Variants in CNTNAP5 observed in about 807,000 individuals in gnomAD.
CNTNAP5 encodes the protein contactin-associated protein-like 5.
Under a neutral mutation model 150.2 loss-of-function variants are expected in CNTNAP5, and 72 were observed. The observed-to-expected ratio is 0.48, with a 90% CI of 0.40 to 0.58. CNTNAP5 has a LOEUF of 0.58. Among genes scored for constraint, CNTNAP5 ranks in the 20% least tolerant of loss-of-function variants. The pLI is 0.00. For synonymous variants in CNTNAP5, 672 were observed against 619.8 expected (o/e 1.08, Z -1.25); for missense variants, 1,636 against 1,626.2 (o/e 1.01, Z -0.10).
chr2:124,099,094 C>T (rs906117004), intron 1 of CNTNAP5, among the ~76,000 whole-genome samples: 2 of 152,134 alleles, frequency 1.3e-5, no homozygotes, highest in African/African-American at 4.8e-5. Context: ...AGACTCATGC[C>T]GCATATATCC....
At chr2:124,176,848 T>A (rs1685077932) in intron 1 of CNTNAP5, among the ~76,000 whole-genome samples, 1 of 147,902 alleles carries the variant, frequency 6.8e-6, no homozygotes, top group South Asian at 2.1e-4. Flanking sequence ...GCTGGTTTTT[T>A]TTTTTTTTTT....
intron 12 of CNTNAP5, among the ~76,000 whole-genome samples, chr2:124,623,118 A>T (rs1677651897): frequency 6.6e-6 from 1 of 152,142 alleles, no homozygotes; most frequent in African/African-American, 2.4e-5. Context: ...ATGTTGAATC[A>T]ATATTCATTG....
intron 4 of CNTNAP5, among the ~76,000 whole-genome samples, chr2:124,419,110 C>T (rs535921289): frequency 1.5e-3 from 166 of 111,098 alleles, no homozygotes; most frequent in African/African-American, 4.9e-3. Context: ...GTCCGCCGTC[C>T]GGCCTGGGCG....
chr2:124,777,974 A>G (rs908641381), intron 17 of CNTNAP5, among the ~76,000 whole-genome samples: 2 of 152,134 alleles, frequency 1.3e-5, no homozygotes, highest in Admixed American at 6.6e-5. Flanking sequence ...ACTTGTCAAC[A>G]TTTATAACTC....
intron 3 of CNTNAP5, among the ~76,000 whole-genome samples, chr2:124,402,393 C>G (rs1226882392): frequency 6.6e-6 from 1 of 152,166 alleles, no homozygotes; most frequent in African/African-American, 2.4e-5. Context: ...ACAACTCCAA[C>G]AGAGTAAGAG....
At chr2:124,672,236 T>G (rs970380645) in intron 13 of CNTNAP5, among the ~76,000 whole-genome samples, 4 of 152,156 alleles carry the variant, frequency 2.6e-5, no homozygotes, top group Non-Finnish European at 5.9e-5. Context: ...ACCAGCCATA[T>G]TAAATAAGGG....
intron 3 of CNTNAP5, among the ~76,000 whole-genome samples, chr2:124,250,800 A>AT (rs1054143650): frequency 2.2e-4 from 33 of 146,936 alleles, no homozygotes; most frequent in Non-Finnish European, 3.6e-4. Flanking sequence ...TCTCTCAAGT[A>AT]TTTTTTTTTT....
chr2:124,912,070 C>A (rs775072874), intron 23 of CNTNAP5, among the ~76,000 whole-genome samples: 9 of 152,040 alleles, frequency 5.9e-5, no homozygotes, highest in African/African-American at 9.7e-5. Flanking sequence ...GCTCAGCTCT[C>A]CTGCTTTTCC....
At chr2:124,795,340 C>T (rs555685702) in intron 18 of CNTNAP5, among the ~76,000 whole-genome samples, 1 of 152,288 alleles carries the variant, frequency 6.6e-6, no homozygotes, top group Admixed American at 6.5e-5. Flanking sequence ...GCTCCTTCTC[C>T]TACTTCATGT....
chr2:124,388,841 C>T (rs924216734), intron 3 of CNTNAP5, among the ~76,000 whole-genome samples: 2 of 152,034 alleles, frequency 1.3e-5, no homozygotes, highest in South Asian at 2.1e-4. Flanking sequence ...TTGTCATGCC[C>T]GGCTAATTTT....
chr2:124,521,460 G>A (rs942193031), intron 8 of CNTNAP5, among the ~76,000 whole-genome samples: 1 of 152,176 alleles, frequency 6.6e-6, no homozygotes, highest in Non-Finnish European at 1.5e-5. Context: ...CATAGATGGC[G>A]ATGTGGGGAG....
chr2:124,072,643 ATATC>A, intron 1 of CNTNAP5, among the ~76,000 whole-genome samples: 1 of 152,118 alleles, frequency 6.6e-6, no homozygotes, highest in Non-Finnish European at 1.5e-5. Flanking sequence ...ATAAAATTGA[ATATC>A]TAGGAATCAA....
chr2:124,256,588 A>T (rs1021363090), intron 3 of CNTNAP5, among the ~76,000 whole-genome samples: 16 of 152,252 alleles, frequency 1.1e-4, no homozygotes, highest in African/African-American at 3.8e-4. Flanking sequence ...ATAATCAAGG[A>T]AGGAGCTTAC....
At chr2:124,440,694 TA>T (rs1399524297) in intron 5 of CNTNAP5, among the ~76,000 whole-genome samples, 1 of 152,156 alleles carries the variant, frequency 6.6e-6, no homozygotes, top group Admixed American at 6.6e-5. Flanking sequence ...GGGTAGTATA[TA>T]TCTTATTTTG....
rs571301632 is a variant in CNTNAP5 at position 124,530,299 on chromosome 2, G to T, written c.1649+2843G>T. Among the ~76,000 whole-genome samples, 263 of 152,268 alleles carry T rather than the reference G, an allele frequency of 1.7e-3. 1 individual carries two copies. The highest frequency in any genetic ancestry group is 0.014 in the Middle Eastern group (4 of 294). On this transcript the variant is annotated intron_variant, in intron 10 of 23. Transcript: ENST00000682447. ...CACTCCAGCCTGGGCGACAGAGCAA[G>T]ACTCCGTCTAAAAATAAATAAATAC...
chr2:124,125,173 A>T (rs1344620564), intron 1 of CNTNAP5, among the ~76,000 whole-genome samples: 3 of 152,236 alleles, frequency 2.0e-5, no homozygotes, highest in Non-Finnish European at 4.4e-5. Flanking sequence ...GACCCCTCTC[A>T]CATGCAGAGG....
intron 19 of CNTNAP5, among the ~76,000 whole-genome samples, chr2:124,809,441 C>T (rs555434146): frequency 6.6e-6 from 1 of 151,578 alleles, no homozygotes; most frequent in African/African-American, 2.4e-5. Context: ...CGGAGTCTCT[C>T]TCTCGCCCAG....
intron 16 of CNTNAP5, 75 bp downstream of exon 16, chr2:124,764,222 C>T (rs974388582): frequency 5.2e-6 from 6 of 1,159,086 alleles, no homozygotes; most frequent in Non-Finnish European, 1.3e-6. Flanking sequence ...CCACCAGTCA[C>T]TAGTGGGCAT....
At chr2:124,265,361 T>C (rs937982262) in intron 3 of CNTNAP5, among the ~76,000 whole-genome samples, 2 of 152,068 alleles carry the variant, frequency 1.3e-5, no homozygotes, top group East Asian at 1.9e-4. Flanking sequence ...CTCTGCACAC[T>C]CTAATTATGC....
Sources: allele counts gnomAD v4.1 joint callset (sites outside exome capture counted in the v4.1 genomes callset), GRCh38; gene constraint gnomAD v4.1.1; transcripts MANE v1.5; gene names NCBI Gene and HGNC (gene_info 2026-07-23, HGNC 2026-07-21).